Variants in KCNMB2 observed in about 807,000 individuals in gnomAD.
KCNMB2 encodes calcium-activated potassium channel subunit beta-2.
A neutral mutation model predicts 24.5 loss-of-function variants in KCNMB2; 9 were observed. The ratio of observed to expected loss-of-function variants is 0.37; its 90% CI spans 0.22 to 0.64. KCNMB2 has a LOEUF of 0.64. Among genes scored for constraint, KCNMB2 ranks in the 30% least tolerant of loss-of-function variants. The pLI is 0.63. For missense variants in KCNMB2, 226 were observed against 284.3 expected (o/e 0.79, Z 1.47); for synonymous variants, 109 against 104.4 (o/e 1.04, Z -0.27).
At chr3:178,601,940 G>A (rs963911566) in intron 1 of KCNMB2, among the ~76,000 whole-genome samples, 3 of 152,216 alleles carry the variant, frequency 2.0e-5, no homozygotes, top group African/African-American at 7.2e-5. Context: ...AGAATTGGAA[G>A]AGAGCAGGTA....
chr3:178,787,430 T>C (rs768142197), intron 1 of KCNMB2, among the ~76,000 whole-genome samples: 2 of 152,148 alleles, frequency 1.3e-5, no homozygotes, highest in Non-Finnish European at 2.9e-5. Flanking sequence ...TCACAAAGTA[T>C]ATCACATAAG....
intron 1 of KCNMB2, among the ~76,000 whole-genome samples, chr3:178,706,361 T>C (rs1237257780): frequency 6.6e-6 from 1 of 152,126 alleles, no homozygotes; most frequent in Non-Finnish European, 1.5e-5. Flanking sequence ...CTGACATTCC[T>C]TTTTGCAATT....
intron 2 of KCNMB2, among the ~76,000 whole-genome samples, chr3:178,822,185 T>C (rs1308741740): frequency 1.3e-5 from 2 of 152,248 alleles, no homozygotes; most frequent in South Asian, 2.1e-4. Flanking sequence ...TAGTTTCTGA[T>C]ATTCACCATG....
chr3:178,552,116 T>C (rs977860562), intron 1 of KCNMB2, among the ~76,000 whole-genome samples: 1 of 152,158 alleles, frequency 6.6e-6, no homozygotes, highest in Admixed American at 6.6e-5. Context: ...AAATCTATCT[T>C]AGAATTCCCT....
chr3:178,780,053 T>TA (rs11406849), intron 1 of KCNMB2, among the ~76,000 whole-genome samples: 7,439 of 133,898 alleles, frequency 0.056, 388 homozygotes, highest in African/African-American at 0.13. Flanking sequence ...TTGTTTTTTT[T>TA]AAAAAAAAAA....
chr3:178,698,416 T>C (rs1001353643), intron 1 of KCNMB2, among the ~76,000 whole-genome samples: 6 of 152,262 alleles, frequency 3.9e-5, no homozygotes, highest in African/African-American at 1.4e-4. Flanking sequence ...TATTCTGCTA[T>C]GAATACTTGT....
In KCNMB2 at chr3:178,843,243, G is replaced by A. The variant is rs747403243; in HGVS notation, c.*306G>A. The A allele has an allele frequency of 4.1e-6, 2 of 493,148 alleles. No individual in the cohort carries two copies. The highest frequency in any genetic ancestry group is 3.1e-5 in the South Asian group (2 of 64,864). 30.5% of individuals were successfully genotyped at this position (493,148 alleles called of 1,614,324 possible). On this transcript the variant is annotated 3_prime_UTR_variant, in exon 5 of 5. Coordinates refer to ENST00000452583, the MANE Select transcript of KCNMB2 (RefSeq NM_181361.3). ...TTATTCATTTGCCAAGCTTCGTGGA[G>A]GAATGTAGGTGACATCAATGTGATA...
intron 1 of KCNMB2, among the ~76,000 whole-genome samples, chr3:178,608,515 T>TTA (rs1354283830): frequency 1.3e-5 from 2 of 152,164 alleles, no homozygotes; most frequent in Non-Finnish European, 2.9e-5. Flanking sequence ...ATCAAAGTAT[T>TTA]TATCCATTGA....
In KCNMB2 at chr3:178,797,574, C is replaced by T. The variant is rs540218158; in HGVS notation, c.-67-9769C>T. Among the ~76,000 whole-genome samples, 143 of 152,194 alleles carry T rather than the reference C, an allele frequency of 9.4e-4. 1 individual carries two copies. The highest frequency in any genetic ancestry group is 2.7e-3 in the South Asian group (13 of 4,822). ...AGAGATGCATGGATGGTTCAACATA[C>T]GCAAATCAATCAATGTGATACATCG... On this transcript the variant is annotated intron_variant, in intron 1 of 4. Transcript: ENST00000452583.
intron 2 of KCNMB2, among the ~76,000 whole-genome samples, chr3:178,818,531 T>C (rs1296496458): frequency 6.6e-6 from 1 of 152,188 alleles, no homozygotes; most frequent in Admixed American, 6.5e-5. Context: ...GGTGTTTGGT[T>C]TTCTGTTTCT....
intron 1 of KCNMB2, among the ~76,000 whole-genome samples, chr3:178,619,007 C>T (rs984178480): frequency 6.6e-6 from 1 of 152,112 alleles, no homozygotes; most frequent in Non-Finnish European, 1.5e-5. Flanking sequence ...TCTGTTTGAT[C>T]CCAAAGCCCG....
At chr3:178,772,272 C>T (rs1712401702) in intron 1 of KCNMB2, among the ~76,000 whole-genome samples, 1 of 152,158 alleles carries the variant, frequency 6.6e-6, no homozygotes, top group Admixed American at 6.5e-5. Context: ...GGTCAAATGT[C>T]TATAATTTCA....
intron 1 of KCNMB2, among the ~76,000 whole-genome samples, chr3:178,645,045 ATT>A (rs10576689): frequency 0.02 from 1,886 of 92,508 alleles, 32 homozygotes; most frequent in African/African-American, 0.077. Context: ...AAGATCCAAG[ATT>A]TTTTTTTTTT....
chr3:178,833,538 A>G (rs983490758), intron 4 of KCNMB2, among the ~76,000 whole-genome samples: 1 of 152,138 alleles, frequency 6.6e-6, no homozygotes, highest in Non-Finnish European at 1.5e-5. Flanking sequence ...TCTGGCAAAA[A>G]CATAAACAAT....
intron 1 of KCNMB2, among the ~76,000 whole-genome samples, chr3:178,688,881 T>C (rs1048446789): frequency 2.0e-5 from 3 of 152,208 alleles, no homozygotes; most frequent in East Asian, 3.8e-4. Context: ...TGAATATCTA[T>C]ATGTACCAGC....
chr3:178,587,914 G>T (rs1416081071), intron 1 of KCNMB2, among the ~76,000 whole-genome samples: 2 of 87,296 alleles, frequency 2.3e-5, no homozygotes, highest in African/African-American at 9.5e-5. Context: ...AACAGGCCCC[G>T]GTGTGTGATG....
chr3:178,612,942 G>A, intron 1 of KCNMB2, among the ~76,000 whole-genome samples: 1 of 151,900 alleles, frequency 6.6e-6, no homozygotes, highest in East Asian at 1.9e-4. Flanking sequence ...CATGAGGCTT[G>A]CAAATATTAT....
chr3:178,693,004 T>C (rs9870284), intron 1 of KCNMB2, among the ~76,000 whole-genome samples: 58,277 of 152,056 alleles, frequency 0.38, 11,205 homozygotes, highest in Middle Eastern at 0.51. Context: ...TTATTCTTTT[T>C]GTGGCAATTG....
chr3:178,585,438 G>A (rs571596301), intron 1 of KCNMB2, among the ~76,000 whole-genome samples: 12 of 152,028 alleles, frequency 7.9e-5, no homozygotes, highest in South Asian at 2.1e-4. Flanking sequence ...GGTCCATATC[G>A]TGGCCACAAT....
Sources: gnomAD v4.1 joint callset for allele counts (sites outside exome capture counted in the v4.1 genomes callset) on GRCh38, gnomAD v4.1.1 for gene constraint, MANE v1.5 for transcripts, NCBI Gene and HGNC (gene_info 2026-07-23, HGNC 2026-07-21) for gene names.